Variants in PRLR observed in about 807,000 individuals in gnomAD.
PRLR encodes prolactin receptor.
A neutral mutation model predicts 40.2 loss-of-function variants in PRLR; 13 were observed. The ratio of observed to expected loss-of-function variants is 0.32; its 90% CI spans 0.21 to 0.51. The LOEUF (loss-of-function observed/expected upper bound fraction) is 0.51, where lower values mean the gene tolerates loss of function less well. PRLR is among the 20% of genes least tolerant of loss of function. The pLI, the probability that PRLR is intolerant of heterozygous loss-of-function variation, is 0.97. For synonymous variants in PRLR, 269 were observed against 278.7 expected, an observed-to-expected ratio of 0.97 and a Z score of 0.35; for missense variants, 656 against 747.3, an observed-to-expected ratio of 0.88 and a Z score of 1.42.
intron 1 of PRLR, among the ~76,000 whole-genome samples, chr5:35,155,461 T>TA (rs34211433): frequency 8.0e-4 from 118 of 147,588 alleles, no homozygotes; most frequent in Admixed American, 1.6e-3. Flanking sequence ...AAGCCACAGC[T>TA]AAAAAAAAAA....
Position 35,058,268 on chromosome 5 carries a change from A to C in PRLR, c.*6821T>G, listed in dbSNP as rs2112339832. The C allele has an allele frequency of 6.6e-6, 1 of 152,266 alleles. No individual in the cohort carries two copies. Among genetic ancestry groups the C allele is most frequent in the South Asian group, 2.1e-4 (1 of 4,816 alleles). 9.4% of individuals were successfully genotyped at this position (152,266 alleles called of 1,614,324 possible). On this transcript the variant is annotated 3_prime_UTR_variant, in exon 10 of 10. Coordinates refer to ENST00000618457, the MANE Select transcript of PRLR (RefSeq NM_000949.7). ...GGTAGTGGTAGCTTTGAAAATGTGG[A>C]ACCTTATGCTATTATGTATAACTTC...
Position 35,049,021 on chromosome 5 carries a change from A to C in PRLR, c.*266T>G, listed in dbSNP as rs370767368. On this transcript the variant is annotated 3_prime_UTR_variant, in exon 9 of 9. Coordinates refer to the PRLR transcript ENST00000231423. The stretch of plus-strand genomic sequence containing the variant: ...ACCTTTTACTCCAAATGCCCATAGG[A>C]GGTGAAGGCACTAGGTAAGCAGAGG... The C allele has an allele frequency of 4.2e-5, 22 of 524,068 alleles. 3 individuals carry two copies. The highest frequency in any genetic ancestry group is 2.6e-4 in the African/African-American group (14 of 53,284). The allele number at this position is 524,068 out of a possible 1,614,324, so 32.5% of individuals were successfully genotyped here.
At chr5:35,131,352 A>C (rs1773664623) in intron 1 of PRLR, among the ~76,000 whole-genome samples, 1 of 152,096 alleles carries the variant, frequency 6.6e-6, no homozygotes, top group Admixed American at 6.5e-5. Flanking sequence ...TGAAGAAGAG[A>C]TCCAGAGCTA....
chr5:35,157,772 T>C (rs1292078370), intron 1 of PRLR, among the ~76,000 whole-genome samples: 1 of 152,224 alleles, frequency 6.6e-6, no homozygotes, highest in Admixed American at 6.5e-5. Context: ...AAATTTCCCG[T>C]CTTGAAAAGA....
At chr5:35,117,130 T>TCCGAC (rs1773072520) in intron 2 of PRLR, among the ~76,000 whole-genome samples, 2 of 152,042 alleles carry the variant, frequency 1.3e-5, no homozygotes, top group African/African-American at 4.8e-5. Context: ...CCCAAAACGA[T>TCCGAC]CCGACCCAGA....
At chr5:35,163,063 G>A (rs1774722942) in intron 1 of PRLR, among the ~76,000 whole-genome samples, 1 of 152,132 alleles carries the variant, frequency 6.6e-6, no homozygotes, top group Admixed American at 6.5e-5. Flanking sequence ...CTGGGGTGGA[G>A]CCACAGAAGT....
At chr5:35,104,156 G>A (rs895663113) in intron 2 of PRLR, among the ~76,000 whole-genome samples, 4 of 152,030 alleles carry the variant, frequency 2.6e-5, no homozygotes, top group African/African-American at 9.7e-5. Flanking sequence ...AACCAGGCAG[G>A]GCTGCCTCTA....
At position 35,064,919 on chromosome 5, in the gene PRLR, G is replaced by C; in HGVS notation, c.*170C>G. The C allele has an allele frequency of 1.4e-6, 1 of 693,010 alleles. No homozygotes were observed. 42.9% of individuals were successfully genotyped at this position (693,010 alleles called of 1,614,324 possible). The stretch of plus-strand genomic sequence containing the variant: ...TCACAGTTAGGAAACATAATGATTT[G>C]TTCTGGAATCAGCTGCTGGAGAAAG... On this transcript the variant is annotated 3_prime_UTR_variant, in exon 10 of 10. Coordinates refer to ENST00000618457, the MANE Select transcript of PRLR (RefSeq NM_000949.7).
At chr5:35,091,741 G>A (rs1178221872) in intron 2 of PRLR, among the ~76,000 whole-genome samples, 14 of 152,170 alleles carry the variant, frequency 9.2e-5, no homozygotes, top group Admixed American at 6.6e-4. Flanking sequence ...CCCTACTTAC[G>A]CCCAAGGACC....
intron 1 of PRLR, among the ~76,000 whole-genome samples, chr5:35,150,869 A>G (rs1774323796): frequency 6.6e-6 from 1 of 152,232 alleles, no homozygotes; most frequent in African/African-American, 2.4e-5. Flanking sequence ...TTAGTTTTCT[A>G]GAGTGAATTA....
At chr5:35,118,788 T>G (rs907759570) in intron 1 of PRLR, among the ~76,000 whole-genome samples, 4 of 151,846 alleles carry the variant, frequency 2.6e-5, no homozygotes, top group African/African-American at 9.7e-5. Flanking sequence ...GTTAGAGGTA[T>G]GGATCTTTTT....
intron 2 of PRLR, among the ~76,000 whole-genome samples, chr5:35,114,556 T>C (rs1345035020): frequency 6.6e-6 from 1 of 152,214 alleles, no homozygotes; most frequent in East Asian, 1.9e-4. Context: ...ATGGACAAGA[T>C]GCTCCTCTTC....
intron 1 of PRLR, among the ~76,000 whole-genome samples, chr5:35,141,807 C>A (rs1774032766): frequency 6.6e-6 from 1 of 152,116 alleles, no homozygotes; most frequent in African/African-American, 2.4e-5. Context: ...CTATGCCCTC[C>A]CACCCCCAAC....
At chr5:35,090,962 C>G (rs370294841) in intron 2 of PRLR, among the ~76,000 whole-genome samples, 4 of 152,018 alleles carry the variant, frequency 2.6e-5, no homozygotes, top group Middle Eastern at 3.4e-3. Context: ...AGGAGCCCCC[C>G]ACGATGCCCG....
At chr5:35,097,019 T>TTCTA (rs1408297405) in intron 2 of PRLR, among the ~76,000 whole-genome samples, 2 of 152,312 alleles carry the variant, frequency 1.3e-5, no homozygotes, top group African/African-American at 4.8e-5. Context: ...AAAAAAACCT[T>TTCTA]TCTAGATGAT....
rs576293550 is a variant in PRLR at position 35,214,805 on chromosome 5, C to A, written c.-106+15463G>T. On this transcript the variant is annotated intron_variant, in intron 1 of 9. Coordinates refer to ENST00000618457, the MANE Select transcript of PRLR (RefSeq NM_000949.7). ...GGAAAGAATTTAGATTATAGTTTAA[C>A]TTCAGAACTAATGACCATCTCTCTT... 2.6e-5 allele frequency among the ~76,000 whole-genome samples: 4 copies of A among 152,336 alleles called. No individual in the cohort carries two copies. The East Asian group carries it at 7.7e-4, about 29-fold the overall frequency.
At chr5:35,172,033 C>T (rs573517718) in intron 1 of PRLR, among the ~76,000 whole-genome samples, 44 of 152,150 alleles carry the variant, frequency 2.9e-4, no homozygotes, top group Non-Finnish European at 5.9e-4. Context: ...CTTTGTGAAA[C>T]GAGCCCCTAA....
chr5:35,049,380 A>G (rs1487140752), exon 9 of PRLR: 2 of 703,012 alleles, frequency 2.8e-6, no homozygotes, highest in East Asian at 5.4e-5. Flanking sequence ...GATTTTTGTA[A>G]TGAGAGGCAC....
At chr5:35,105,055 G>A (rs946725893) in intron 2 of PRLR, among the ~76,000 whole-genome samples, 4 of 152,214 alleles carry the variant, frequency 2.6e-5, no homozygotes, top group Non-Finnish European at 5.9e-5. Flanking sequence ...AACATTTGCT[G>A]TTCTGCAATA....
Sources: allele counts gnomAD v4.1 joint callset (sites outside exome capture counted in the v4.1 genomes callset), GRCh38; gene constraint gnomAD v4.1.1; transcripts MANE v1.5; gene names NCBI Gene and HGNC (gene_info 2026-07-23, HGNC 2026-07-21).